C16orf96: variants seen among roughly 807,000 people sequenced by gnomAD.
C16orf96 encodes chromosome 16 open reading frame 96, also known as uncharacterized protein C16orf96.
Under a neutral mutation model 103.6 loss-of-function variants are expected in C16orf96, and 108 were observed. The ratio of observed to expected loss-of-function variants is 1.04; its 90% CI spans 0.89 to 1.22. C16orf96 has a LOEUF of 1.22. Ranked by LOEUF, C16orf96 falls within the 50% of genes most tolerant of loss-of-function variation. The pLI, the probability that C16orf96 is intolerant of heterozygous loss-of-function variation, is 0.00. For missense variants in C16orf96, 1,586 were observed against 1,464.2 expected (o/e 1.08, Z -1.36); for synonymous variants, 566 against 593.5 (o/e 0.95, Z 0.67).
intron 1 of C16orf96, among the ~76,000 whole-genome samples, chr16:4,564,147 A>G (rs974049327): frequency 4.6e-5 from 7 of 151,660 alleles, no homozygotes; most frequent in Non-Finnish European, 1.0e-4. Context: ...CCAGCCTGGG[A>G]GACAAAATGA....
At chr16:4,547,685 CTTCCTTCTTTCTTTCTTTCTTTCTTTCT>C in the C16orf96 span, among the ~76,000 whole-genome samples, 123 of 107,738 alleles carry the variant, frequency 1.1e-3, 2 homozygotes, top group South Asian at 7.5e-3. Flanking sequence ...TCCTTCCTTC[CTTCCTTCTTTCTTTCTTTCTTTCTTTCT>C]TTCTTTCTTT....
chr16:4,548,582 CAGG>C, the C16orf96 span, among the ~76,000 whole-genome samples: 4 of 152,194 alleles, frequency 2.6e-5, no homozygotes, highest in Non-Finnish European at 4.4e-5. Flanking sequence ...GTATGAAAAG[CAGG>C]AGCTCAGCTG....
At chr16:4,549,822 C>T in the C16orf96 span, among the ~76,000 whole-genome samples, 2 of 152,064 alleles carry the variant, frequency 1.3e-5, no homozygotes, top group East Asian at 3.9e-4. Context: ...CTGGCATCTC[C>T]CCACTCTCTT....
At chr16:4,548,159 A>G in the C16orf96 span, among the ~76,000 whole-genome samples, 2 of 152,178 alleles carry the variant, frequency 1.3e-5, no homozygotes, top group Non-Finnish European at 2.9e-5. Context: ...AAGTAAACGC[A>G]GGCCCGGAGA....
chr16:4,599,077 T>C lies in C16orf96; in HGVS notation c.3128-207T>C, dbSNP rs1369888772. Among the ~76,000 whole-genome samples, 3 of 146,866 alleles carry C rather than the reference T, an allele frequency of 2.0e-5. 1 individual carries two copies. The highest frequency in any genetic ancestry group is 4.5e-5 in the Non-Finnish European group (3 of 67,226). The stretch of plus-strand genomic sequence containing the variant: ...AAGGCTGCGTGCGCTCCAGCCTAGG[T>C]GACAGAGCGGAGACCCTGCCTCAAG... On this transcript the variant is annotated intron_variant, in intron 14 of 15. Transcript: ENST00000444310.
rs2141750949 is a variant in C16orf96, at chr16:4,588,166, G to A, written c.2428-1G>A. Reference sequence around the variant, plus strand: ...CCTCCCTGAACTCCCTGTCTCCCTAGAAAGCTGACAGGAGTGCCCTGGCAG... The same window carrying A: ...CCTCCCTGAACTCCCTGTCTCCCTAAAAAGCTGACAGGAGTGCCCTGGCAG... On this transcript the variant is annotated splice_acceptor_variant, in intron 8 of 15. Coordinates refer to ENST00000444310, the MANE Select transcript of C16orf96 (RefSeq NM_001145011.2). LOFTEE classifies it high-confidence loss of function. 6.4e-7 allele frequency: 1 copy of A among 1,550,660 alleles called. No individual in the cohort carries two copies. Among genetic ancestry groups the A allele is most frequent in the East Asian group, 2.4e-5 (1 of 40,922 alleles).
intron 7 of C16orf96, among the ~76,000 whole-genome samples, chr16:4,582,944 T>C (rs1896826180): frequency 6.6e-6 from 1 of 152,080 alleles, no homozygotes; most frequent in Non-Finnish European, 1.5e-5. Context: ...GCTATGAAGA[T>C]TTCATTGCTG....
intron 14 of C16orf96, among the ~76,000 whole-genome samples, chr16:4,596,138 CAAGCAGGGTGGCTTA>C (rs999087467): frequency 1.3e-5 from 2 of 152,134 alleles, no homozygotes; most frequent in Admixed American, 6.5e-5. Context: ...CAAATTACCA[CAAGCAGGGTGGCTTA>C]AAGCAGCTGA....
Position 4,556,670 on chromosome 16 carries a change from A to C in C16orf96, c.181A>C (p.Met61Leu). The C allele has an allele frequency of 6.4e-7, 1 of 1,551,474 alleles. No homozygotes were observed. The highest frequency in any genetic ancestry group is 8.7e-7 in the Non-Finnish European group (1 of 1,146,780). The change falls in exon 1 of 16, where the codon ATG becomes CTG. Residue 61 changes from methionine (M) to leucine (L), a missense_variant. Transcript: ENST00000444310. ...CCTGCAGACCTCGCAGGTGGTCATC[A>C]TGCCCAGGGAAGGAGACGCCCAGCC... is the stretch of plus-strand genomic sequence containing the variant. ...DFLQTSQVVI[M>L]PREGDAQPIL... is the part of the protein sequence containing the mutation.
At chr16:4,561,787 C>T (rs1406031649) in intron 1 of C16orf96, 1 of 152,150 alleles carries the variant, frequency 6.6e-6, no homozygotes, top group East Asian at 1.9e-4. Context: ...CTGTCTGCAC[C>T]CACCAACTAG....
chr16:4,571,515 TC>T, intron 1 of C16orf96, 45 bp from the exon 2 acceptor site: 1 of 1,496,230 alleles, frequency 6.7e-7, no homozygotes, highest in Non-Finnish European at 9.1e-7. Context: ...ACTTACCTTC[TC>T]CCCCAGCCAT....
the C16orf96 span, among the ~76,000 whole-genome samples, chr16:4,545,975 G>A: frequency 1.3e-5 from 2 of 151,536 alleles, no homozygotes; most frequent in Non-Finnish European, 2.9e-5. Context: ...TCAGCCTCCC[G>A]AGTAGCTGGG....
intron 1 of C16orf96, among the ~76,000 whole-genome samples, chr16:4,569,673 C>G (rs1428538591): frequency 6.8e-6 from 1 of 146,034 alleles, no homozygotes; most frequent in East Asian, 2.1e-4. Flanking sequence ...TGAAGGTTGC[C>G]TAGGTGACAG....
At chr16:4,587,186 A>G in intron 8 of C16orf96, 73 bp downstream of exon 8, 1 of 1,361,458 alleles carries the variant, frequency 7.3e-7, no homozygotes, top group Admixed American at 2.0e-5. Flanking sequence ...GGCAAAGCCC[A>G]CCAAAGAGTC....
chr16:4,556,895 G>T lies in C16orf96; in HGVS notation c.406G>T (p.Glu136Ter). Residue 136 changes from glutamate (E) to a stop codon, truncating the protein, a stop_gained, in exon 1 of 16, where the codon GAA (glutamate) becomes TAA (stop). Transcript: ENST00000444310. LOFTEE classifies it high-confidence loss of function. ...CCGGAAGATGGTGGAGGGTCATGAT[G>T]AAGTCATGGCCAAGGTACGCCCCCA... ...KLRKMVEGHD[E>*]VMAKSMQTLQ... 1 of 1,544,784 alleles carries T rather than the reference G, an allele frequency of 6.5e-7. No individual in the cohort carries two copies. Among genetic ancestry groups the T allele is most frequent in the Non-Finnish European group, 8.8e-7 (1 of 1,141,658 alleles).
chr16:4,567,526 G>A (rs1190933264), intron 1 of C16orf96, among the ~76,000 whole-genome samples: 4 of 150,584 alleles, frequency 2.7e-5, no homozygotes, highest in South Asian at 2.1e-4. Context: ...CTCATCATCC[G>A]CCCACCTCGG....
chr16:4,579,207 G>C (rs931056314), intron 6 of C16orf96, among the ~76,000 whole-genome samples, 182 bp downstream of exon 6: 16 of 152,070 alleles, frequency 1.1e-4, no homozygotes, highest in African/African-American at 3.9e-4. Flanking sequence ...GGTGCGGTGG[G>C]GGGGCCCAGC....
chr16:4,576,146 G>T lies in C16orf96; in HGVS notation c.1666G>T (p.Ala556Ser), dbSNP rs1250045990. ...DGAPKEAQPKAPQSALHRLKT... is the reference protein window; with the variant it reads ...DGAPKEAQPKSPQSALHRLKT... ...GGCCCCCAAGGAAGCACAGCCTAAG[G>T]CTCCCCAGTCTGCCCTTCACCGGCT... Residue 556 changes from alanine to serine, a missense_variant, in exon 5 of 16, where the codon GCT becomes TCT. Coordinates refer to ENST00000444310, the MANE Select transcript of C16orf96 (RefSeq NM_001145011.2). The T allele has an allele frequency of 6.4e-6, 10 of 1,551,266 alleles. No homozygotes were observed. The highest frequency in any genetic ancestry group is 8.7e-6 in the Non-Finnish European group (10 of 1,146,984).
intron 9 of C16orf96, among the ~76,000 whole-genome samples, chr16:4,589,978 T>C (rs1375007589): frequency 6.6e-6 from 1 of 151,410 alleles, no homozygotes; most frequent in Non-Finnish European, 1.5e-5. Flanking sequence ...CAACAAAAAT[T>C]AGCCAGGCCT....
Sources: allele counts gnomAD v4.1 joint callset (sites outside exome capture counted in the v4.1 genomes callset), GRCh38; gene constraint gnomAD v4.1.1; transcripts MANE v1.5; gene names NCBI Gene and HGNC (gene_info 2026-07-23, HGNC 2026-07-21).